The following TP63 variants were observed in gnomAD, a reference collection of about 807,000 sequenced individuals.
TP63 encodes the protein tumor protein p63, also known as tumor protein 63.
A neutral mutation model predicts 82.8 loss-of-function variants in TP63; 17 were observed. That is an observed-to-expected ratio of 0.21 (90% CI 0.14 to 0.31). The LOEUF is 0.31. Among genes scored for constraint, TP63 ranks in the 10% least tolerant of loss-of-function variants. The pLI, the probability that TP63 is intolerant of heterozygous loss-of-function variation, is 1.00. For synonymous variants in TP63, 330 were observed against 321.7 expected (o/e 1.03, Z -0.28); for missense variants, 648 against 895.3 (o/e 0.72, Z 3.52).
intron 1 of TP63, among the ~76,000 whole-genome samples, chr3:189,730,640 G>A (rs182632464): frequency 2.5e-4 from 38 of 152,254 alleles, no homozygotes; most frequent in Non-Finnish European, 4.4e-4. Flanking sequence ...ATTTTGTGAG[G>A]TCCTCAAAGG....
rs771082088 is a variant in TP63 at position 189,688,421 on chromosome 3, CAGTT to C, written c.63-49318_63-49315del. ...GGAAAGCTCCTTGATTATAAACAGA[CAGTT>C]GGTTGCTGAAGAGGATGCAGTTCAC... On this transcript the variant is annotated intron_variant, in intron 1 of 13. Coordinates refer to ENST00000264731, the MANE Select transcript of TP63 (RefSeq NM_003722.5). Among the ~76,000 whole-genome samples, 17 of 152,290 alleles carry C rather than the reference CAGTT, an allele frequency of 1.1e-4. No homozygotes were observed. In the East Asian group the frequency reaches 1.7e-3, roughly 16 times the overall value.
Position 189,894,238 on chromosome 3 carries a change from T to A in TP63, c.1779T>A (p.Phe593Leu), listed in dbSNP as rs748345687. The A allele has an allele frequency of 6.2e-7, 1 of 1,614,070 alleles. No individual in the cohort carries two copies. Among genetic ancestry groups the A allele is most frequent in the East Asian group, 2.2e-5 (1 of 44,860 alleles). The stretch of plus-strand genomic sequence containing the variant: ...CAAGTCTGAAAATCCCTGAGCAATT[T>A]CGACATGCGATCTGGAAGGGCATCC... The part of the protein sequence containing the change: ...DLASLKIPEQ[F>L]RHAIWKGILD... The change falls in exon 14 of 14, where the codon TTT (phenylalanine) becomes TTA (leucine). Residue 593 changes from phenylalanine to leucine, a missense_variant. This residue lies in a region of TP63 where 342 missense variants were observed against 425.7 expected (regional missense o/e 0.80). Transcript: ENST00000264731.
intron 1 of TP63, among the ~76,000 whole-genome samples, chr3:189,722,264 A>G (rs997783639): frequency 2.0e-5 from 3 of 152,218 alleles, no homozygotes; most frequent in Admixed American, 6.5e-5. Flanking sequence ...TCCTCAGCAT[A>G]AAGGAATGAC....
chr3:189,720,757 A>AAAG, intron 1 of TP63, among the ~76,000 whole-genome samples: 1 of 147,498 alleles, frequency 6.8e-6, no homozygotes, highest in South Asian at 2.2e-4. Context: ...AAAAAAAAAA[A>AAAG]GAAGAAGACT....
At chr3:189,771,461 TATA>T (rs1212334542) in intron 3 of TP63, among the ~76,000 whole-genome samples, 2 of 142,362 alleles carry the variant, frequency 1.4e-5, no homozygotes, top group Admixed American at 7.4e-5. Flanking sequence ...ATATTAAATA[TATA>T]ATATTTAATA....
At chr3:189,881,264 A>T (rs1017699538) in intron 10 of TP63, 1 of 985,204 alleles carries the variant, frequency 1.0e-6, no homozygotes, top group African/African-American at 1.7e-5. Flanking sequence ...AGGGTAGACT[A>T]CTTTTCTTTT....
chr3:189,620,064 G>A, the TP63 span, among the ~76,000 whole-genome samples: 2 of 152,202 alleles, frequency 1.3e-5, no homozygotes, highest in African/African-American at 2.4e-5. Flanking sequence ...AAGAAGGGGG[G>A]CACTTCAGAG....
chr3:189,631,606 CA>C, intron 1 of TP63, 29 bp downstream of exon 1: 1 of 1,612,330 alleles, frequency 6.2e-7, no homozygotes. Flanking sequence ...TAACTTCTCT[CA>C]AAACTTAATT....
intron 1 of TP63, among the ~76,000 whole-genome samples, chr3:189,676,564 A>ATG (rs914618434): frequency 9.9e-5 from 15 of 151,490 alleles, no homozygotes; most frequent in African/African-American, 2.9e-4. Flanking sequence ...GCATGTGTGT[A>ATG]TGTGTGTGTG....
chr3:189,710,117 T>A (rs144284729), intron 1 of TP63, among the ~76,000 whole-genome samples: 32 of 152,228 alleles, frequency 2.1e-4, no homozygotes, highest in East Asian at 1.3e-3. Flanking sequence ...TATTAAATCA[T>A]AGAAGTCTGT....
intron 1 of TP63, among the ~76,000 whole-genome samples, chr3:189,687,825 C>T (rs1410930816): frequency 6.6e-6 from 1 of 152,122 alleles, no homozygotes; most frequent in Non-Finnish European, 1.5e-5. Context: ...ATTTACAGTT[C>T]CCTGAAATGT....
intron 10 of TP63, chr3:189,880,298 G>A (rs764107145): frequency 1.1e-5 from 15 of 1,355,154 alleles, no homozygotes; most frequent in Non-Finnish European, 1.4e-5. Flanking sequence ...AAGACACTTT[G>A]GCTCAGAGAC....
chr3:189,870,724 C>G (rs1366023595), intron 9 of TP63, among the ~76,000 whole-genome samples: 2 of 152,076 alleles, frequency 1.3e-5, no homozygotes, highest in Non-Finnish European at 2.9e-5. Context: ...TAGTTGAATT[C>G]TTATTGCATT....
At chr3:189,872,751 A>G in intron 9 of TP63, 108 bp from the exon 10 acceptor site, 1 of 1,502,626 alleles carries the variant, frequency 6.7e-7, no homozygotes, top group Non-Finnish European at 9.1e-7. Context: ...AACGTTAGCA[A>G]ATAAACAAAT....
chr3:189,637,287 G>A (rs1315934147), intron 1 of TP63, among the ~76,000 whole-genome samples: 4 of 151,994 alleles, frequency 2.6e-5, no homozygotes, highest in South Asian at 2.1e-4. Flanking sequence ...TGGAAAAGAC[G>A]TTAAACAAAA....
chr3:189,700,121 G>A (rs1368224860), intron 1 of TP63, among the ~76,000 whole-genome samples: 1 of 152,126 alleles, frequency 6.6e-6, no homozygotes, highest in African/African-American at 2.4e-5. Context: ...TTGATAAAAG[G>A]TGGATCAACA....
At position 189,651,992 on chromosome 3, in the gene TP63, C is replaced by T. The variant is rs1490127967; in HGVS notation, c.62+20415C>T. 3.4e-5 allele frequency among the ~76,000 whole-genome samples: 5 copies of T among 146,838 alleles called. 1 individual carries two copies. Among genetic ancestry groups the T allele is most frequent in the Admixed American group, 1.3e-4 (2 of 14,948 alleles). On this transcript the variant is annotated intron_variant, in intron 1 of 13. Transcript: ENST00000264731. The stretch of plus-strand genomic sequence containing the variant: ...CTAGATTTAAGAGGACGTGTGGAAA[C>T]GCCTGGATGTCCGAGCAGAAGTTTG...
upstream of TP63, among the ~76,000 whole-genome samples, chr3:189,630,429 CTT>C: frequency 6.6e-6 from 1 of 152,112 alleles, no homozygotes; most frequent in Non-Finnish European, 1.5e-5. Flanking sequence ...TGTGTGTAGA[CTT>C]TCCTGATATT....
intron 3 of TP63, among the ~76,000 whole-genome samples, chr3:189,779,821 CA>C (rs1291366399): frequency 6.6e-6 from 1 of 152,084 alleles, no homozygotes. Context: ...TTATATGGAT[CA>C]AACCAGAACA....
Sources: gnomAD v4.1 joint callset for allele counts (sites outside exome capture counted in the v4.1 genomes callset) on GRCh38, gnomAD v4.1.1 for gene constraint, gnomAD v4.1.1 regional missense constraint, MANE v1.5 for transcripts, NCBI Gene and HGNC (gene_info 2026-07-23, HGNC 2026-07-21) for gene names.